ARHGEF6: variants seen among roughly 807,000 people sequenced by gnomAD.
The protein encoded by ARHGEF6 is Rac/Cdc42 guanine nucleotide exchange factor 6, also known as rho guanine nucleotide exchange factor 6.
Under a neutral mutation model 70.3 loss-of-function variants are expected in ARHGEF6, and 9 were observed. The observed-to-expected ratio is 0.13, with a 90% CI of 0.08 to 0.22. ARHGEF6 has a LOEUF of 0.22. Ranked by LOEUF, ARHGEF6 falls within the 10% of genes least tolerant of loss-of-function variation. ARHGEF6 has a pLI of 1.00. For synonymous variants in ARHGEF6, 201 were observed against 207.8 expected, an observed-to-expected ratio of 0.97 and a Z score of 0.28; for missense variants, 470 against 563.0, an observed-to-expected ratio of 0.83 and a Z score of 1.67.
At chrX:136,691,294 A>G (rs746041462) in intron 9 of ARHGEF6, among the ~76,000 whole-genome samples, 60 of 112,208 alleles carry the variant, frequency 5.3e-4, no homozygotes, top group Non-Finnish European at 6.8e-4. Context: ...TGTTTGTATG[A>G]CTAACCACAA....
chrX:136,674,941 C>A, intron 19 of ARHGEF6, 66 bp downstream of exon 19: 2 of 1,071,430 alleles, frequency 1.9e-6, no homozygotes. Context: ...TTCTCTTTTT[C>A]TAAAAGACAC....
At chrX:136,698,873 T>G (rs1044842177) in intron 9 of ARHGEF6, among the ~76,000 whole-genome samples, 8 of 112,395 alleles carry the variant, frequency 7.1e-5, no homozygotes, top group African/African-American at 9.7e-5. Flanking sequence ...AATACATGCT[T>G]CTTCTTCTCT....
intron 2 of ARHGEF6, among the ~76,000 whole-genome samples, chrX:136,765,547 C>T (rs773184062): frequency 1.8e-5 from 2 of 112,354 alleles, no homozygotes; most frequent in South Asian, 3.7e-4. Context: ...CTAAGAACAG[C>T]GCCAGCCCTG....
chrX:136,667,777 C>T lies in ARHGEF6; in HGVS notation c.*252G>A. ...TCTGAGGCCATCTCTACCACCACTT[C>T]CTGCTTTTTCACCTGTTGAAAAAAA... On this transcript the variant is annotated 3_prime_UTR_variant, in exon 22 of 22. Coordinates refer to ENST00000250617, the MANE Select transcript of ARHGEF6 (RefSeq NM_004840.3). The T allele has an allele frequency of 4.8e-6, 2 of 413,728 alleles. No individual in the cohort carries two copies. Among genetic ancestry groups the T allele is most frequent in the South Asian group, 7.1e-5 (2 of 28,187 alleles). The allele number at this position is 413,728 out of a possible 1,213,427, so 34.1% of individuals were successfully genotyped here.
At chrX:136,717,776 T>C (rs2076751933) in intron 6 of ARHGEF6, among the ~76,000 whole-genome samples, 1 of 111,604 alleles carries the variant, frequency 9.0e-6, no homozygotes, top group African/African-American at 3.2e-5. Flanking sequence ...GAATATAGTA[T>C]GTATCTTTGT....
At chrX:136,767,282 A>G in intron 2 of ARHGEF6, 1 of 754,516 alleles carries the variant, frequency 1.3e-6, no homozygotes, top group Non-Finnish European at 1.6e-6. Flanking sequence ...GGCTGCGGGA[A>G]CAGATCAACC....
At chrX:136,764,169 A>C in intron 2 of ARHGEF6, among the ~76,000 whole-genome samples, 1 of 96,858 alleles carries the variant, frequency 1.0e-5, no homozygotes, top group Admixed American at 1.1e-4. Flanking sequence ...CAGAGCTTTC[A>C]AAAAAAAAAA....
chrX:136,727,419 T>C lies in ARHGEF6; in HGVS notation c.732+4683A>G, dbSNP rs866628539. 7.8e-4 allele frequency among the ~76,000 whole-genome samples: 74 copies of C among 95,402 alleles called. 1 individual carries two copies. Among genetic ancestry groups the C allele is most frequent in the East Asian group, 5.0e-3 (13 of 2,623 alleles). 82.8% of individuals were successfully genotyped at this position (95,402 alleles called of 115,157 possible). A position where few individuals can be genotyped will look rare whatever the true frequency, so the allele number is the denominator to read the frequency against. Reference sequence around the variant, plus strand: ...TTTCTCTCTCTCTCTCTCTCTTTCTTTCTTTCTTTCCTTCTTTCTTTCTTT... The same window carrying C: ...TTTCTCTCTCTCTCTCTCTCTTTCTCTCTTTCTTTCCTTCTTTCTTTCTTT... On this transcript the variant is annotated intron_variant, in intron 6 of 21. Transcript: ENST00000250617.
intron 9 of ARHGEF6, among the ~76,000 whole-genome samples, chrX:136,703,178 C>A (rs1282873700): frequency 8.9e-6 from 1 of 112,115 alleles, no homozygotes; most frequent in Non-Finnish European, 1.9e-5. Flanking sequence ...GCAATAATTT[C>A]TTAGATACAA....
intron 6 of ARHGEF6, among the ~76,000 whole-genome samples, chrX:136,725,337 G>T (rs989074649): frequency 9.2e-6 from 1 of 108,228 alleles, no homozygotes; most frequent in Non-Finnish European, 1.9e-5. Context: ...GACAAAAGTG[G>T]TTAATAAGTC....
At position 136,671,880 on chromosome X, in the gene ARHGEF6, G is replaced by A. The variant is rs1603328459; in HGVS notation, c.2135+140C>T. ...GGCAGCCCTCTAAAGTCTCCCAAAT[G>A]CATGCACAGCAAAGCAGGCCGCATT... On this transcript the variant is annotated intron_variant, in intron 20 of 21. Coordinates refer to ENST00000250617, the MANE Select transcript of ARHGEF6 (RefSeq NM_004840.3). The A allele has an allele frequency of 1.1e-5, 6 of 541,775 alleles. No individual in the cohort carries two copies. The African/African-American group carries it at 1.1e-4, about 10-fold the overall frequency. 44.6% of individuals were successfully genotyped at this position (541,775 alleles called of 1,213,427 possible).
At chrX:136,751,127 G>A (rs1465412960) in intron 2 of ARHGEF6, among the ~76,000 whole-genome samples, 1 of 111,555 alleles carries the variant, frequency 9.0e-6, no homozygotes, top group Non-Finnish European at 1.9e-5. Context: ...GTGAGCCACC[G>A]CGCCCAGCCC....
intron 1 of ARHGEF6, 129 bp downstream of exon 1, chrX:136,780,589 T>A: frequency 1.5e-6 from 1 of 651,216 alleles, no homozygotes; most frequent in Middle Eastern, 3.8e-4. Flanking sequence ...TAAGAAAGAA[T>A]GTCTAACTCT....
chrX:136,753,605 G>A (rs2077174581), intron 2 of ARHGEF6, among the ~76,000 whole-genome samples: 1 of 111,221 alleles, frequency 9.0e-6, no homozygotes, highest in Admixed American at 9.6e-5. Context: ...AAACCAAAAG[G>A]CCAATTTCTT....
chrX:136,680,662 T>C, intron 15 of ARHGEF6, 69 bp downstream of exon 15: 2 of 1,146,767 alleles, frequency 1.7e-6, no homozygotes, highest in Non-Finnish European at 2.4e-6. Flanking sequence ...CTGCTTCTTG[T>C]AAGTCTCCAG....
At chrX:136,731,275 T>C (rs987256583) in intron 6 of ARHGEF6, among the ~76,000 whole-genome samples, 1 of 111,819 alleles carries the variant, frequency 8.9e-6, no homozygotes, top group Non-Finnish European at 1.9e-5. Context: ...TATAGAGATG[T>C]TTAAAAACTC....
At chrX:136,777,292 A>G (rs186313462) in intron 2 of ARHGEF6, among the ~76,000 whole-genome samples, 19 of 111,910 alleles carry the variant, frequency 1.7e-4, no homozygotes, top group Admixed American at 7.6e-4. Context: ...GGACATGAAT[A>G]GACAATTCTC....
intron 6 of ARHGEF6, among the ~76,000 whole-genome samples, chrX:136,723,447 T>C (rs1393926533): frequency 8.9e-6 from 1 of 112,104 alleles, no homozygotes; most frequent in Admixed American, 9.5e-5. Flanking sequence ...TTCATCATGA[T>C]AGCTCTTTGT....
intron 9 of ARHGEF6, among the ~76,000 whole-genome samples, chrX:136,704,639 C>T (rs1422578243): frequency 9.0e-6 from 1 of 111,684 alleles, no homozygotes; most frequent in Non-Finnish European, 1.9e-5. Context: ...GGAAAGAGAG[C>T]AAGAGCGACG....
Sources: allele counts gnomAD v4.1 joint callset (sites outside exome capture counted in the v4.1 genomes callset), GRCh38; gene constraint gnomAD v4.1.1; transcripts MANE v1.5; gene names NCBI Gene and HGNC (gene_info 2026-07-23, HGNC 2026-07-21).